SYN3: variants seen among roughly 807,000 people sequenced by gnomAD.
The protein encoded by SYN3 is synapsin-3.
Under a neutral mutation model 65.8 loss-of-function variants are expected in SYN3, and 35 were observed. That is an observed-to-expected ratio of 0.53 (90% CI 0.41 to 0.70). SYN3 has a LOEUF of 0.70. Ranked by LOEUF, SYN3 falls within the 30% of genes least tolerant of loss-of-function variation. The pLI, the probability that SYN3 is intolerant of heterozygous loss-of-function variation, is 0.00. For synonymous variants in SYN3, 270 were observed against 292.9 expected, an observed-to-expected ratio of 0.92 and a Z score of 0.80; for missense variants, 680 against 749.0, an observed-to-expected ratio of 0.91 and a Z score of 1.08.
chr22:32,777,628 T>C (rs960138071), intron 6 of SYN3, among the ~76,000 whole-genome samples: 3 of 152,152 alleles, frequency 2.0e-5, no homozygotes, highest in South Asian at 2.1e-4. Flanking sequence ...CACTGGGATA[T>C]AAAGAATATC....
chr22:33,018,458 G>C (rs778212516), intron 1 of SYN3, among the ~76,000 whole-genome samples: 1 of 152,286 alleles, frequency 6.6e-6, no homozygotes, highest in African/African-American at 2.4e-5. Context: ...GGAGTGACCA[G>C]ACCAGACAGA....
intron 2 of SYN3, among the ~76,000 whole-genome samples, chr22:33,005,504 C>T (rs988853469): frequency 1.3e-5 from 2 of 152,258 alleles, no homozygotes; most frequent in African/African-American, 2.4e-5. Context: ...TATACCCATG[C>T]ATCTCAGCTA....
intron 1 of SYN3, among the ~76,000 whole-genome samples, chr22:33,030,979 A>G (rs1158044572): frequency 6.6e-6 from 1 of 152,208 alleles, no homozygotes; most frequent in Non-Finnish European, 1.5e-5. Flanking sequence ...ACAGAGAGAT[A>G]GAGACAAACA....
Position 33,032,765 on chromosome 22 carries a change from A to G in SYN3, c.-163+25527T>C, listed in dbSNP as rs114172588. 7.2e-3 allele frequency among the ~76,000 whole-genome samples: 1,093 copies of G among 152,250 alleles called. 16 individuals carry two copies. The highest frequency in any genetic ancestry group is 0.023 in the African/African-American group (971 of 41,542). ...GCTGGACTCTTTCAACCAACTGCCA[A>G]CTAAAGAATCTCTAAAACCCATCTA... On this transcript the variant is annotated intron_variant, in intron 1 of 13. Coordinates refer to ENST00000358763, the MANE Select transcript of SYN3 (RefSeq NM_003490.4).
At chr22:32,690,075 C>A (rs2060642391) in intron 6 of SYN3, among the ~76,000 whole-genome samples, 1 of 152,102 alleles carries the variant, frequency 6.6e-6, no homozygotes, top group East Asian at 1.9e-4. Flanking sequence ...ACTTGGGAGG[C>A]TGAGGCAGAA....
rs762823810 is a variant in SYN3 at position 32,528,790 on chromosome 22, C to T, written c.1230+84G>A. On this transcript the variant is annotated intron_variant, in intron 11 of 13. Transcript: ENST00000358763. ...AGGTGGTTTCTTCCTGGGGGTATCCCCTTTGGATCCAGGGGCTCCCCATTT... is the reference window on the plus strand; with the variant it reads ...AGGTGGTTTCTTCCTGGGGGTATCCTCTTTGGATCCAGGGGCTCCCCATTT... 167 of 1,574,962 alleles carry T rather than the reference C, an allele frequency of 1.1e-4. 1 individual carries two copies. The highest frequency in any genetic ancestry group is 1.4e-4 in the Non-Finnish European group (161 of 1,158,972).
chr22:32,841,124 C>T (rs138311666), intron 6 of SYN3, among the ~76,000 whole-genome samples: 39 of 152,344 alleles, frequency 2.6e-4, no homozygotes, highest in Admixed American at 3.3e-4. Flanking sequence ...AGAAATCACA[C>T]GTAGCTTCCC....
At chr22:32,641,387 T>C (rs12158696) in intron 6 of SYN3, among the ~76,000 whole-genome samples, 25,930 of 151,848 alleles carry the variant, frequency 0.17, 2,457 homozygotes, top group Non-Finnish European at 0.21. Flanking sequence ...GGCAGGCGGA[T>C]CATGAGGTCA....
chr22:32,930,831 C>A (rs1405115673), intron 4 of SYN3, among the ~76,000 whole-genome samples: 1 of 152,074 alleles, frequency 6.6e-6, no homozygotes, highest in Non-Finnish European at 1.5e-5. Context: ...CTGAAGAAAC[C>A]CCTCACTTGC....
chr22:32,546,186 C>T (rs1462584632), intron 7 of SYN3, among the ~76,000 whole-genome samples: 1 of 152,188 alleles, frequency 6.6e-6, no homozygotes, highest in Non-Finnish European at 1.5e-5. Flanking sequence ...CCATTTCTGT[C>T]TCCCCATTAG....
At chr22:32,516,366 T>G (rs2413126) in intron 13 of SYN3, among the ~76,000 whole-genome samples, 82,356 of 151,474 alleles carry the variant, frequency 0.54, 25,020 homozygotes, top group East Asian at 0.9. Flanking sequence ...TTTATTTATT[T>G]ATTTATTTAT....
At chr22:32,796,862 G>A (rs1354196641) in intron 6 of SYN3, among the ~76,000 whole-genome samples, 2 of 152,150 alleles carry the variant, frequency 1.3e-5, no homozygotes, top group Non-Finnish European at 2.9e-5. Flanking sequence ...CCTCTGCAGT[G>A]TTCCCAGACC....
intron 6 of SYN3, among the ~76,000 whole-genome samples, chr22:32,823,585 A>G (rs559214854): frequency 3.9e-4 from 60 of 152,232 alleles, no homozygotes; most frequent in African/African-American, 1.4e-3. Context: ...AGGAATAGCA[A>G]TTGGAGGGAA....
At chr22:32,992,859 C>T (rs191425455) in intron 2 of SYN3, among the ~76,000 whole-genome samples, 1 of 152,138 alleles carries the variant, frequency 6.6e-6, no homozygotes, top group African/African-American at 2.4e-5. Flanking sequence ...GAGCTCCAGT[C>T]TAGATATTCT....
rs952970602 is a variant in SYN3 at position 32,677,271 on chromosome 22, T to A, written c.712-80535A>T. The stretch of plus-strand genomic sequence containing the variant: ...GTGATGAGTTTTTCAGAAGCAGTGA[T>A]CCTCTATCCAGCTTTCGAGGAGTGT... On this transcript the variant is annotated intron_variant, in intron 6 of 13. Coordinates refer to ENST00000358763, the MANE Select transcript of SYN3 (RefSeq NM_003490.4). Among the ~76,000 whole-genome samples, 6 of 150,810 alleles carry A rather than the reference T, an allele frequency of 4.0e-5. 1 individual carries two copies. The East Asian group carries it at 1.2e-3, about 30-fold the overall frequency.
intron 6 of SYN3, among the ~76,000 whole-genome samples, chr22:32,820,353 C>CAT (rs1555971963): frequency 7.1e-6 from 1 of 141,694 alleles, no homozygotes; most frequent in Non-Finnish European, 1.5e-5. Flanking sequence ...CATTCCACTG[C>CAT]GTGTGTGTGT....
At chr22:32,626,260 C>T (rs1028013275) in intron 6 of SYN3, among the ~76,000 whole-genome samples, 1 of 152,094 alleles carries the variant, frequency 6.6e-6, no homozygotes, top group Non-Finnish European at 1.5e-5. Context: ...TCCTCTGCAC[C>T]CAGGGACACA....
At chr22:32,669,710 C>T (rs937853453) in intron 6 of SYN3, among the ~76,000 whole-genome samples, 16 of 152,272 alleles carry the variant, frequency 1.1e-4, no homozygotes, top group African/African-American at 3.1e-4. Context: ...GCTGTATATT[C>T]CAGACTGTTT....
chr22:33,039,165 T>C (rs2053915339), intron 1 of SYN3, among the ~76,000 whole-genome samples: 1 of 152,134 alleles, frequency 6.6e-6, no homozygotes. Context: ...ATCGTATAGA[T>C]AATGACATCA....
Sources: gnomAD v4.1 joint callset for allele counts (sites outside exome capture counted in the v4.1 genomes callset) on GRCh38, gnomAD v4.1.1 for gene constraint, MANE v1.5 for transcripts, NCBI Gene and HGNC (gene_info 2026-07-23, HGNC 2026-07-21) for gene names.